SLC25A25: variants seen among roughly 807,000 people sequenced by gnomAD.
The protein encoded by SLC25A25 is solute carrier family 25 member 25, also known as mitochondrial adenyl nucleotide antiporter SLC25A25.
SLC25A25 carries 32 observed loss-of-function variants against 57.7 expected under a neutral mutation model. The observed-to-expected ratio is 0.55, with a 90% CI of 0.42 to 0.74. The LOEUF is 0.74. Ranked by LOEUF, SLC25A25 falls within the 30% of genes least tolerant of loss-of-function variation. SLC25A25 has a pLI of 0.00. For synonymous variants in SLC25A25, 306 were observed against 291.2 expected (o/e 1.05, Z -0.52); for missense variants, 556 against 701.3 (o/e 0.79, Z 2.34).
Position 128,068,587 on chromosome 9 carries a change from T to C in SLC25A25, c.261+7T>C. 3 of 1,407,336 alleles carry C rather than the reference T, an allele frequency of 2.1e-6. No individual in the cohort carries two copies. The highest frequency in any genetic ancestry group is 2.8e-6 in the Non-Finnish European group (3 of 1,082,986). 87.2% of individuals were successfully genotyped at this position (1,407,336 alleles called of 1,614,324 possible). On this transcript the variant is annotated splice_region_variant and intron_variant, in intron 1 of 10. Transcript: ENST00000373069. The stretch of plus-strand genomic sequence containing the variant: ...CACCGAGGGCGAGCTCCAGGTAGGC[T>C]GCGCGCGTCCTCAGCACTGGCGGGG...
chr9:128,084,789 C>A (rs4837235), intron 1 of SLC25A25, among the ~76,000 whole-genome samples: 17,648 of 152,158 alleles, frequency 0.12, 1,190 homozygotes, highest in Middle Eastern at 0.21. Context: ...GAATTCGATT[C>A]TTTTCATTGA....
In SLC25A25 at chr9:128,108,454, C is replaced by G; in HGVS notation, c.*1010C>G. 1 of 394,830 alleles carries G rather than the reference C, an allele frequency of 2.5e-6. No homozygotes were observed. Among genetic ancestry groups the G allele is most frequent in the Non-Finnish European group, 4.5e-6 (1 of 223,976 alleles). The allele number at this position is 394,830 out of a possible 1,614,324, so 24.5% of individuals were successfully genotyped here. ...GACGCCCTGGGGGTTCCTGTCCAAC[C>G]CCAGCAGGGGCGCAGCGGGACCAGC... On this transcript the variant is annotated 3_prime_UTR_variant, in exon 11 of 11. Coordinates refer to ENST00000373069, the MANE Select transcript of SLC25A25 (RefSeq NM_001330988.2).
At position 128,108,214 on chromosome 9, in the gene SLC25A25, T is replaced by C. The variant is rs982604705; in HGVS notation, c.*770T>C. 4.5e-5 allele frequency: 18 copies of C among 399,064 alleles called. No individual in the cohort carries two copies. Among genetic ancestry groups the C allele is most frequent in the African/African-American group, 3.5e-4 (17 of 48,608 alleles). 24.7% of individuals were successfully genotyped at this position (399,064 alleles called of 1,614,324 possible). A position where few individuals can be genotyped will look rare whatever the true frequency, so the allele number is the denominator to read the frequency against. ...TCAGAACCAAACTCACTGTCCCCAC[T>C]GTGGCATGAGGGCAGTGGAGCACCA... On this transcript the variant is annotated 3_prime_UTR_variant, in exon 11 of 11. Transcript: ENST00000373069.
At chr9:128,105,328 G>A (rs7864053) in intron 6 of SLC25A25, among the ~76,000 whole-genome samples, 4,060 of 151,646 alleles carry the variant, frequency 0.027, 177 homozygotes, top group African/African-American at 0.093. Context: ...CTGCCACCAC[G>A]CCCGGCTAAC....
chr9:128,100,419 T>C (rs1833741315), intron 1 of SLC25A25, among the ~76,000 whole-genome samples: 1 of 152,104 alleles, frequency 6.6e-6, no homozygotes, highest in South Asian at 2.1e-4. Context: ...TAAAGTGCTT[T>C]TCAGTGAGTG....
chr9:128,077,026 C>A (rs751814261), intron 1 of SLC25A25, among the ~76,000 whole-genome samples: 9 of 152,150 alleles, frequency 5.9e-5, no homozygotes, highest in Admixed American at 1.3e-4. Context: ...TGTGTACCTT[C>A]AGGAGCAAGA....
intron 1 of SLC25A25, among the ~76,000 whole-genome samples, chr9:128,093,008 T>G (rs1833454114): frequency 6.6e-6 from 1 of 152,250 alleles, no homozygotes; most frequent in African/African-American, 2.4e-5. Flanking sequence ...ATTTTCAATC[T>G]TTTTACTTAG....
At chr9:128,098,778 G>A in intron 1 of SLC25A25, 1 of 1,596,486 alleles carries the variant, frequency 6.3e-7, no homozygotes, top group Admixed American at 1.7e-5. Context: ...GGTATTTGTT[G>A]AGTGAATGGC....
At chr9:128,096,028 A>G (rs186058749) in intron 1 of SLC25A25, among the ~76,000 whole-genome samples, 1 of 152,244 alleles carries the variant, frequency 6.6e-6, no homozygotes, top group Admixed American at 6.5e-5. Context: ...GACTGCAGTC[A>G]TCACTAAAAT....
At chr9:128,083,240 T>A (rs1259864088) in intron 1 of SLC25A25, among the ~76,000 whole-genome samples, 5 of 13,390 alleles carry the variant, frequency 3.7e-4, no homozygotes, top group Admixed American at 2.2e-3. Flanking sequence ...AAAAAAAAAA[T>A]AAATAAATAA....
intron 1 of SLC25A25, among the ~76,000 whole-genome samples, chr9:128,070,388 G>A (rs1448475249): frequency 3.3e-5 from 5 of 151,282 alleles, no homozygotes; most frequent in Non-Finnish European, 7.4e-5. Context: ...ATGAGCCACC[G>A]CGCCCGGCCA....
intron 1 of SLC25A25, chr9:128,098,867 A>G (rs1296248249): frequency 2.5e-5 from 38 of 1,491,950 alleles, no homozygotes; most frequent in Middle Eastern, 2.2e-4. Flanking sequence ...CCATGCGGCT[A>G]TGGCCGGCAC....
intron 1 of SLC25A25, among the ~76,000 whole-genome samples, chr9:128,081,469 G>A (rs1407270745): frequency 1.3e-5 from 2 of 152,186 alleles, no homozygotes; most frequent in East Asian, 1.9e-4. Context: ...TGGACGAATT[G>A]TGTGGCTCCC....
chr9:128,071,122 T>A (rs1397075808), intron 1 of SLC25A25, among the ~76,000 whole-genome samples: 1 of 152,210 alleles, frequency 6.6e-6, no homozygotes, highest in African/African-American at 2.4e-5. Context: ...GCTTTGTGCA[T>A]CAACTAGAGT....
At chr9:128,088,103 A>G (rs1833317441) in intron 1 of SLC25A25, among the ~76,000 whole-genome samples, 1 of 152,038 alleles carries the variant, frequency 6.6e-6, no homozygotes, top group Non-Finnish European at 1.5e-5. Context: ...GGTGCTGGTT[A>G]TTAGTGTATT....
At chr9:128,097,613 G>T (rs1448850993) in intron 1 of SLC25A25, among the ~76,000 whole-genome samples, 3 of 152,174 alleles carry the variant, frequency 2.0e-5, no homozygotes, top group Non-Finnish European at 4.4e-5. Flanking sequence ...CATTTAAAAA[G>T]CTTCTGTATT....
chr9:128,070,032 C>G (rs948219763), intron 1 of SLC25A25, among the ~76,000 whole-genome samples: 1 of 149,080 alleles, frequency 6.7e-6, no homozygotes, highest in African/African-American at 2.5e-5. Context: ...ATTCTCCTGC[C>G]TCAGCCTCCC....
intron 6 of SLC25A25, among the ~76,000 whole-genome samples, chr9:128,104,869 TA>T (rs1388895976): frequency 9.5e-5 from 14 of 146,936 alleles, no homozygotes; most frequent in African/African-American, 3.0e-4. Flanking sequence ...ATTATTATTA[TA>T]TTTTTTGAGA....
intron 1 of SLC25A25, among the ~76,000 whole-genome samples, chr9:128,076,098 G>A (rs927478277): frequency 5.3e-5 from 8 of 151,960 alleles, no homozygotes; most frequent in Non-Finnish European, 1.2e-4. Flanking sequence ...AGCCTCAGGG[G>A]TCTTGATGAC....
Sources: gnomAD v4.1 joint callset for allele counts (sites outside exome capture counted in the v4.1 genomes callset) on GRCh38, gnomAD v4.1.1 for gene constraint, MANE v1.5 for transcripts, NCBI Gene and HGNC (gene_info 2026-07-23, HGNC 2026-07-21) for gene names.